MAGI2: variants seen among roughly 807,000 people sequenced by gnomAD.
MAGI2 encodes membrane associated guanylate kinase, WW and PDZ domain containing 2.
Under a neutral mutation model 133.3 loss-of-function variants are expected in MAGI2, and 35 were observed. The observed-to-expected ratio is 0.26, with a 90% CI of 0.20 to 0.35. The LOEUF (loss-of-function observed/expected upper bound fraction) is 0.35. Ranked by LOEUF, MAGI2 falls within the 10% of genes least tolerant of loss-of-function variation. The pLI is 1.00. For synonymous variants in MAGI2, 729 were observed against 710.6 expected (o/e 1.03, Z -0.41); for missense variants, 1,636 against 1,863.4 (o/e 0.88, Z 2.25).
chr7:79,432,377 A>G (rs1020870126), intron 1 of MAGI2, among the ~76,000 whole-genome samples: 1 of 152,206 alleles, frequency 6.6e-6, no homozygotes, highest in Non-Finnish European at 1.5e-5. Flanking sequence ...CCATGATGAT[A>G]CCCACAAGCA....
At chr7:79,270,015 A>C (rs528652079) in intron 1 of MAGI2, among the ~76,000 whole-genome samples, 1 of 152,236 alleles carries the variant, frequency 6.6e-6, no homozygotes, top group Non-Finnish European at 1.5e-5. Flanking sequence ...TGTAAAACTT[A>C]AGACTTTTTT....
At chr7:78,041,009 G>A (rs1028973953) in intron 21 of MAGI2, among the ~76,000 whole-genome samples, 3 of 152,142 alleles carry the variant, frequency 2.0e-5, no homozygotes, top group African/African-American at 4.8e-5. Flanking sequence ...TGCTCGTGGC[G>A]TGTTGATGGG....
In MAGI2 at chr7:78,284,797, T is replaced by C. The variant is rs368096693; in HGVS notation, c.1409-28216A>G. ...GTGTCCATTAACAAAGGGACCTTGA[T>C]TATATGGTAGGAGAATCTTCCTCCC... On this transcript the variant is annotated intron_variant, in intron 9 of 21. Transcript: ENST00000354212. Among the ~76,000 whole-genome samples, 14 of 152,172 alleles carry C rather than the reference T, an allele frequency of 9.2e-5. No homozygotes were observed. The East Asian group carries it at 2.5e-3, about 27-fold the overall frequency.
intron 19 of MAGI2, among the ~76,000 whole-genome samples, chr7:78,126,236 G>C (rs944213170): frequency 5.5e-4 from 73 of 131,732 alleles, no homozygotes; most frequent in African/African-American, 1.9e-3. Flanking sequence ...AAATTACAGA[G>C]TTTGCTGATT....
At chr7:78,410,059 T>C (rs1213727114) in intron 6 of MAGI2, among the ~76,000 whole-genome samples, 1 of 151,584 alleles carries the variant, frequency 6.6e-6, no homozygotes, top group Non-Finnish European at 1.5e-5. Flanking sequence ...AAGCTGATGG[T>C]CTCAGTCCAC....
intron 2 of MAGI2, among the ~76,000 whole-genome samples, chr7:78,992,287 T>C (rs1805865581): frequency 6.6e-6 from 1 of 152,034 alleles, no homozygotes; most frequent in Admixed American, 6.6e-5. Flanking sequence ...GCAATAAAGA[T>C]ACATCCCTAG....
intron 1 of MAGI2, among the ~76,000 whole-genome samples, chr7:79,190,376 G>A (rs1827545931): frequency 6.6e-6 from 1 of 151,868 alleles, no homozygotes; most frequent in South Asian, 2.1e-4. Context: ...AATGACATAT[G>A]ATGTTGAGCA....
intron 2 of MAGI2, among the ~76,000 whole-genome samples, chr7:78,915,344 G>C (rs1442808347): frequency 1.3e-5 from 2 of 152,118 alleles, no homozygotes; most frequent in East Asian, 3.9e-4. Flanking sequence ...ATACTAGGGA[G>C]AGCCTATTCA....
chr7:79,032,402 C>T (rs1810679976), intron 1 of MAGI2, among the ~76,000 whole-genome samples: 1 of 151,658 alleles, frequency 6.6e-6, no homozygotes, highest in Non-Finnish European at 1.5e-5. Context: ...CCTGTAATCT[C>T]AGCTACTTGG....
intron 1 of MAGI2, among the ~76,000 whole-genome samples, chr7:79,212,960 A>G (rs1001162090): frequency 6.6e-6 from 1 of 151,936 alleles, no homozygotes; most frequent in Non-Finnish European, 1.5e-5. Context: ...CTTAACACAT[A>G]AATTTACTTA....
intron 10 of MAGI2, among the ~76,000 whole-genome samples, chr7:78,216,296 T>C (rs1788264027): frequency 6.6e-6 from 1 of 152,272 alleles, no homozygotes. Context: ...TGTCAGGTCC[T>C]GCCTGGCCTA....
chr7:78,403,449 G>T (rs556515982), intron 6 of MAGI2, among the ~76,000 whole-genome samples: 75 of 152,170 alleles, frequency 4.9e-4, no homozygotes, highest in African/African-American at 1.7e-3. Context: ...GAATAGTGCC[G>T]CAATAAACAT....
intron 4 of MAGI2, among the ~76,000 whole-genome samples, chr7:78,515,915 T>C (rs1210514399): frequency 1.3e-5 from 2 of 151,772 alleles, no homozygotes; most frequent in African/African-American, 4.8e-5. Context: ...AAAAAGGTCC[T>C]TGTTCTAATA....
intron 3 of MAGI2, among the ~76,000 whole-genome samples, chr7:78,543,611 T>C (rs1563147407): frequency 1.3e-5 from 2 of 152,212 alleles, no homozygotes; most frequent in Non-Finnish European, 2.9e-5. Context: ...TAGGAGTGAA[T>C]AGTAAGTGAA....
intron 2 of MAGI2, among the ~76,000 whole-genome samples, chr7:78,665,839 G>C (rs921678206): frequency 6.6e-6 from 1 of 151,982 alleles, no homozygotes; most frequent in Admixed American, 6.6e-5. Flanking sequence ...TATATGCCAG[G>C]CACGTCTCTA....
chr7:78,534,957 A>AC (rs1166564426), intron 3 of MAGI2, among the ~76,000 whole-genome samples: 1 of 151,980 alleles, frequency 6.6e-6, no homozygotes, highest in Admixed American at 6.6e-5. Flanking sequence ...AGATGGTGAA[A>AC]CCCCGTCTCT....
chr7:78,507,949 A>T (rs1002994750), intron 4 of MAGI2, among the ~76,000 whole-genome samples: 1 of 152,178 alleles, frequency 6.6e-6, no homozygotes, highest in African/African-American at 2.4e-5. Flanking sequence ...TACATTCAGG[A>T]GGTTAAAGTC....
intron 1 of MAGI2, among the ~76,000 whole-genome samples, chr7:79,376,107 A>T (rs554133104): frequency 6.6e-6 from 1 of 151,834 alleles, no homozygotes; most frequent in African/African-American, 2.4e-5. Flanking sequence ...CCCGTGAATT[A>T]ATCTTATTGT....
rs1448233911 is a variant in MAGI2 at position 79,007,136 on chromosome 7, C to T, written c.372G>A (p.Glu124=). ...LRFQKGSVDH[E]LQQIIRDNLY... Reference sequence around the variant, plus strand: ...GGTTGTCACGAATGATTTGCTGAAGCTCATGGTCCACAGAACCCTTTTGAA... The same window carrying T: ...GGTTGTCACGAATGATTTGCTGAAGTTCATGGTCCACAGAACCCTTTTGAA... Residue 124 remains glutamate, a synonymous_variant, in exon 2 of 22, where the codon GAG becomes GAA. Transcript: ENST00000354212. 5.0e-6 allele frequency: 8 copies of T among 1,613,308 alleles called. No individual in the cohort carries two copies. The highest frequency in any genetic ancestry group is 6.8e-6 in the Non-Finnish European group (8 of 1,179,664).
Sources: gnomAD v4.1 joint callset for allele counts (sites outside exome capture counted in the v4.1 genomes callset) on GRCh38, gnomAD v4.1.1 for gene constraint, MANE v1.5 for transcripts, NCBI Gene and HGNC (gene_info 2026-07-23, HGNC 2026-07-21) for gene names.